The following ST18 variants were observed in gnomAD, a reference collection of about 807,000 sequenced individuals.
ST18 encodes the protein ST18 C2H2C-type zinc finger transcription factor.
In ST18, 50 loss-of-function variants were observed where a neutral mutation model predicts 110.0. That is an observed-to-expected ratio of 0.45 (90% confidence interval 0.36 to 0.58). The LOEUF is 0.58. Ranked by LOEUF, ST18 falls within the 20% of genes least tolerant of loss-of-function variation. The pLI, the probability that ST18 is intolerant of heterozygous loss-of-function variation, is 0.00. For synonymous variants in ST18, 461 were observed against 452.4 expected (o/e 1.02, Z -0.24); for missense variants, 1,306 against 1,280.1 (o/e 1.02, Z -0.31).
At chr8:52,354,650 A>G (rs953985877) in intron 2 of ST18, among the ~76,000 whole-genome samples, 23 of 152,294 alleles carry the variant, frequency 1.5e-4, no homozygotes, top group Admixed American at 2.0e-4. Context: ...GAGCCCTCCA[A>G]TGTTATTTTG....
Position 52,113,088 on chromosome 8 carries a change from T to A in ST18, c.*110A>T, listed in dbSNP as rs1217865943. On this transcript the variant is annotated 3_prime_UTR_variant, in exon 26 of 26. Coordinates refer to ENST00000689386, the MANE Select transcript of ST18 (RefSeq NM_001352837.2). ...ATAAAATTAGTGCAATGTTGCAAATTGTAAATGCAGTACGGCAACCTCCAC... is the reference window on the plus strand; with the variant it reads ...ATAAAATTAGTGCAATGTTGCAAATAGTAAATGCAGTACGGCAACCTCCAC... The A allele has an allele frequency of 1.6e-6, 2 of 1,287,366 alleles. No homozygotes were observed. The highest frequency in any genetic ancestry group is 2.1e-6 in the Non-Finnish European group (2 of 974,610). 79.7% of individuals were successfully genotyped at this position (1,287,366 alleles called of 1,614,324 possible).
intron 2 of ST18, among the ~76,000 whole-genome samples, chr8:52,351,599 G>A (rs1820363849): frequency 6.6e-6 from 1 of 152,048 alleles, no homozygotes; most frequent in Non-Finnish European, 1.5e-5. Context: ...TTGTAATTCT[G>A]GAAGCAAACA....
At chr8:52,195,516 C>T (rs1281292186) in intron 8 of ST18, among the ~76,000 whole-genome samples, 1 of 151,712 alleles carries the variant, frequency 6.6e-6, no homozygotes, top group African/African-American at 2.4e-5. Context: ...AAATAAAATT[C>T]ACTTAGTTTA....
intron 2 of ST18, among the ~76,000 whole-genome samples, chr8:52,336,180 CCT>C (rs1315067467): frequency 6.6e-6 from 1 of 151,870 alleles, no homozygotes; most frequent in Non-Finnish European, 1.5e-5. Context: ...ACAGAGTCTC[CCT>C]CTGTTGCCCA....
chr8:52,212,085 T>C lies in ST18; in HGVS notation c.80A>G (p.Glu27Gly), dbSNP rs769107721. ...AATATAGGGTAAATCTTACCTGAGC[T>C]CCTGGATTAGTGAATCCATTGGCAC... ...TEVPMDSLIQ[E>G]LSVAYDCSMA... Residue 27 changes from glutamate to glycine, a missense_variant, in exon 8 of 26, where the codon GAG becomes GGG. Coordinates refer to ENST00000689386, the MANE Select transcript of ST18 (RefSeq NM_001352837.2). The C allele has an allele frequency of 1.3e-5, 21 of 1,605,856 alleles. No individual in the cohort carries two copies. The highest frequency in any genetic ancestry group is 1.8e-5 in the Non-Finnish European group (21 of 1,178,306).
chr8:52,135,326 C>T lies in ST18; in HGVS notation c.2300+1264G>A, dbSNP rs534046243. Among the ~76,000 whole-genome samples, 5 of 151,762 alleles carry T rather than the reference C, an allele frequency of 3.3e-5. No homozygotes were observed. In the East Asian group the frequency reaches 9.7e-4, roughly 29 times the overall value. Reference sequence around the variant, plus strand: ...ATATAATCCCAGCACTTTAGGAGGCCGAGGCGGGCAGATCACCTGGGGTCA... The same window carrying T: ...ATATAATCCCAGCACTTTAGGAGGCTGAGGCGGGCAGATCACCTGGGGTCA... On this transcript the variant is annotated intron_variant, in intron 19 of 25. Transcript: ENST00000689386.
chr8:52,133,274 C>T lies in ST18; in HGVS notation c.2328G>A (p.Ser776=), dbSNP rs566083294. The T allele has an allele frequency of 7.2e-5, 116 of 1,614,112 alleles. 3 individuals carry two copies. The South Asian group carries it at 1.1e-3, about 15-fold the overall frequency. ...LKCPTPGCDG[S]GHVTGNYASH... is the part of the protein sequence containing the mutation. ...AAGCATAGTTTCCAGTCACGTGCCCCGAGCCATCGCAGCCTGGGGTTGGAC... is the reference window on the plus strand; with the variant it reads ...AAGCATAGTTTCCAGTCACGTGCCCTGAGCCATCGCAGCCTGGGGTTGGAC... Residue 776 remains serine (S), a synonymous_variant, in exon 20 of 26, where the codon TCG becomes TCA. Coordinates refer to ENST00000689386, the MANE Select transcript of ST18 (RefSeq NM_001352837.2).
chr8:52,304,686 T>C (rs961881970), intron 2 of ST18, among the ~76,000 whole-genome samples: 3 of 152,220 alleles, frequency 2.0e-5, no homozygotes, highest in South Asian at 2.1e-4. Flanking sequence ...CAAATTACCA[T>C]AAACTGGGTA....
intron 9 of ST18, among the ~76,000 whole-genome samples, chr8:52,178,144 CAAGT>C (rs2067649234): frequency 6.6e-6 from 1 of 152,114 alleles, no homozygotes; most frequent in African/African-American, 2.4e-5. Flanking sequence ...TAGAAGGTGA[CAAGT>C]CAGTGAGCCA....
intron 2 of ST18, among the ~76,000 whole-genome samples, chr8:52,298,985 G>T (rs2095674570): frequency 1.3e-5 from 2 of 152,098 alleles, no homozygotes; most frequent in African/African-American, 4.8e-5. Flanking sequence ...ACTGCGTGTA[G>T]ATTTCTTTGT....
chr8:52,336,130 G>A (rs1811934447), intron 2 of ST18, among the ~76,000 whole-genome samples: 2 of 151,984 alleles, frequency 1.3e-5, no homozygotes, highest in Non-Finnish European at 2.9e-5. Context: ...TGTCCCCACT[G>A]CTTCTTGGAT....
intron 2 of ST18, among the ~76,000 whole-genome samples, chr8:52,352,427 G>A (rs576781300): frequency 2.0e-5 from 3 of 152,238 alleles, no homozygotes; most frequent in Middle Eastern, 3.4e-3. Flanking sequence ...CATGGTCATG[G>A]AACCCAGAGA....
intron 8 of ST18, among the ~76,000 whole-genome samples, chr8:52,200,535 G>A (rs952348322): frequency 2.0e-5 from 3 of 152,188 alleles, no homozygotes; most frequent in Non-Finnish European, 4.4e-5. Context: ...CCAGAGTAAA[G>A]ATGTGGTCTT....
chr8:52,307,712 C>A (rs916657124), intron 2 of ST18, among the ~76,000 whole-genome samples: 1 of 152,130 alleles, frequency 6.6e-6, no homozygotes, highest in Non-Finnish European at 1.5e-5. Flanking sequence ...GGATGTAATA[C>A]CCAGACATGC....
chr8:52,168,164 G>A (rs1255814725), intron 10 of ST18, among the ~76,000 whole-genome samples: 1 of 150,588 alleles, frequency 6.6e-6, no homozygotes, highest in Non-Finnish European at 1.5e-5. Context: ...AGCATGAGAA[G>A]ATGCACAGGA....
At chr8:52,295,382 T>A (rs1355628670) in intron 2 of ST18, among the ~76,000 whole-genome samples, 2 of 152,196 alleles carry the variant, frequency 1.3e-5, no homozygotes, top group African/African-American at 4.8e-5. Context: ...TTTCTTCCCT[T>A]ACCTGGTTTT....
intron 3 of ST18, among the ~76,000 whole-genome samples, chr8:52,227,007 T>C (rs546108935): frequency 1.3e-5 from 2 of 152,298 alleles, no homozygotes; most frequent in Admixed American, 1.3e-4. Flanking sequence ...TACATTTGAA[T>C]TAAGATAAAA....
intron 8 of ST18, among the ~76,000 whole-genome samples, chr8:52,187,604 A>G (rs897674589): frequency 1.3e-5 from 2 of 152,206 alleles, no homozygotes; most frequent in Non-Finnish European, 2.9e-5. Flanking sequence ...TTTTTCTTAA[A>G]GGATAATAGA....
rs190323512 is a variant in ST18 at position 52,240,278 on chromosome 8, A to G, written c.-464-10201T>C. Among the ~76,000 whole-genome samples the G allele has an allele frequency of 1.5e-4, 23 of 152,270 alleles. No homozygotes were observed. The East Asian group carries it at 4.2e-3, about 28-fold the overall frequency. ...TTTGTGTTAGAATATCTTTTTAATT[A>G]TACCATGTAAATATAATAATTAATA... On this transcript the variant is annotated intron_variant, in intron 2 of 25. Transcript: ENST00000689386.
Sources: gnomAD v4.1 joint callset for allele counts (sites outside exome capture counted in the v4.1 genomes callset) on GRCh38, gnomAD v4.1.1 for gene constraint, MANE v1.5 for transcripts, NCBI Gene and HGNC (gene_info 2026-07-23, HGNC 2026-07-21) for gene names.